FCAMR: variants seen among roughly 807,000 people sequenced by gnomAD.
FCAMR encodes the protein high affinity immunoglobulin alpha and immunoglobulin mu Fc receptor.
In FCAMR, 51 loss-of-function variants were observed where a neutral mutation model predicts 52.2. That is an observed-to-expected ratio of 0.98 (90% CI 0.78 to 1.23). FCAMR has a LOEUF of 1.23. FCAMR is among the 50% of genes most tolerant of loss of function. The probability of loss-of-function intolerance (pLI) is 0.00; values close to 1 mark genes in which losing one functional copy is unlikely to be tolerated. For synonymous variants in FCAMR, 282 were observed against 262.0 expected (o/e 1.08, Z -0.74); for missense variants, 719 against 712.6 (o/e 1.01, Z -0.10).
At chr1:206,966,052 C>T (rs1680697322) in intron 3 of FCAMR, 194 bp from the exon 4 acceptor site, 2 of 712,324 alleles carry the variant, frequency 2.8e-6, no homozygotes, top group Admixed American at 5.8e-5. Flanking sequence ...GGGTCTCAAG[C>T]AGCAGCTGCC....
intron 1 of FCAMR, among the ~76,000 whole-genome samples, chr1:206,968,167 A>G (rs949764241): frequency 2.6e-5 from 4 of 152,138 alleles, no homozygotes; most frequent in African/African-American, 9.7e-5. Flanking sequence ...GTGAAATCCC[A>G]TCTTTACTAA....
rs763664341 is a variant in FCAMR at position 206,960,955 on chromosome 1, C to A, written c.921G>T (p.Pro307=). 2.6e-6 allele frequency: 4 copies of A among 1,552,032 alleles called. No individual in the cohort carries two copies. The South Asian group carries it at 4.8e-5, about 18-fold the overall frequency. Residue 307 remains proline (P), a synonymous_variant, in exon 6 of 8, where the codon CCG becomes CCT. Transcript: ENST00000324852. The part of the protein sequence containing the change: ...WAEGSVKAPA[P]IPESPPSKSR... ...TCTTTGAAGGTGGACTCTCTGGAAT[C>A]GGAGCAGGTGCTTTGACAGAACCCT...
At chr1:206,969,065 C>T (rs1680829970) in intron 1 of FCAMR, among the ~76,000 whole-genome samples, 1 of 152,208 alleles carries the variant, frequency 6.6e-6, no homozygotes, top group African/African-American at 2.4e-5. Context: ...CACCTGGAGA[C>T]TCTCCCAGGG....
At chr1:206,969,607 T>C (rs1265074353) in intron 1 of FCAMR, among the ~76,000 whole-genome samples, 2 of 152,300 alleles carry the variant, frequency 1.3e-5, no homozygotes, top group South Asian at 2.1e-4. Context: ...ACTTCCCAGA[T>C]GCCTACTGGC....
Position 206,960,666 on chromosome 1 carries a change from CCT to C in FCAMR, c.1208_1209del (p.Gln403ArgfsTer88). On this transcript the variant is annotated frameshift_variant, in exon 6 of 8. Transcript: ENST00000324852. LOFTEE classifies it high-confidence loss of function. ...GCTGGAGTTGTTTCTCCAATGGAAC[CCT>C]GAGATTGTTGCTTAGAAACTGGCGT... ...QATPVSKQQS[Q>X]GSIGETTPAA... is the part of the protein sequence containing the mutation. The C allele has an allele frequency of 6.4e-7, 1 of 1,552,006 alleles. No homozygotes were observed. The highest frequency in any genetic ancestry group is 8.7e-7 in the Non-Finnish European group (1 of 1,147,060).
At chr1:206,967,254 C>G in intron 2 of FCAMR, 142 bp from the exon 3 acceptor site, 1 of 780,998 alleles carries the variant, frequency 1.3e-6, no homozygotes, top group Non-Finnish European at 2.1e-6. Flanking sequence ...GAGAGTAAGA[C>G]AAGCACTTCC....
chr1:206,969,782 C>T (rs1680864785), intron 1 of FCAMR, among the ~76,000 whole-genome samples: 1 of 152,188 alleles, frequency 6.6e-6, no homozygotes, highest in Non-Finnish European at 1.5e-5. Flanking sequence ...TTCTGTTCCT[C>T]TCCTCTACAA....
In FCAMR at chr1:206,960,525, C is replaced by T. The variant is rs1421700540; in HGVS notation, c.1351G>A (p.Asp451Asn). 1.9e-6 allele frequency: 3 copies of T among 1,551,654 alleles called. No homozygotes were observed. Among genetic ancestry groups the T allele is most frequent in the Non-Finnish European group, 2.6e-6 (3 of 1,146,976 alleles). The change falls in exon 6 of 8, where the codon GAC (aspartate) becomes AAC (asparagine). Residue 451 changes from aspartate (D) to asparagine (N), a missense_variant. By Grantham distance (23) the Asp-to-Asn change is conservative (BLOSUM62 1). Coordinates refer to ENST00000324852, the MANE Select transcript of FCAMR (RefSeq NM_001170631.2). ...AASGEGSAAG[D>N]LDAATGDRGP... ...CTGTCTCCAGTGGCAGCATCTAGGT[C>T]CCCTGCAGCGCTTCCTTCCCCAGAT...
At chr1:206,965,191 G>A (rs1451181728) in intron 4 of FCAMR, among the ~76,000 whole-genome samples, 1 of 152,194 alleles carries the variant, frequency 6.6e-6, no homozygotes, top group Non-Finnish European at 1.5e-5. Flanking sequence ...GATAAAGTGT[G>A]CATACCCCAG....
At position 206,962,338 on chromosome 1, in the gene FCAMR, G is replaced by A; in HGVS notation, c.527C>T (p.Pro176Leu). The A allele has an allele frequency of 2.5e-6, 4 of 1,614,218 alleles. No individual in the cohort carries two copies. The highest frequency in any genetic ancestry group is 3.4e-6 in the Non-Finnish European group (4 of 1,180,040). The change falls in exon 5 of 8, where the codon CCA becomes CTA. Residue 176 changes from proline (P) to leucine (L), a missense_variant. Coordinates refer to ENST00000324852, the MANE Select transcript of FCAMR (RefSeq NM_001170631.2). ...YRDRVALTDFPQRGLFVVRLS... is the reference protein window; with the variant it reads ...YRDRVALTDFLQRGLFVVRLS... ...CCTCACCACAAACAAGCCTCTCTGTGGAAAGTCTGTGAGGGCCACACGGTC... is the reference window on the plus strand; with the variant it reads ...CCTCACCACAAACAAGCCTCTCTGTAGAAAGTCTGTGAGGGCCACACGGTC...
rs1680802421 is a variant in FCAMR at position 206,968,468 on chromosome 1, C to T, written c.40-817G>A. 2.0e-5 allele frequency among the ~76,000 whole-genome samples: 3 copies of T among 152,222 alleles called. No homozygotes were observed. In the South Asian group the frequency reaches 6.2e-4, roughly 32 times the overall value. Reference sequence around the variant, plus strand: ...CTATCTATTGCTTCTGTTTCTGAGACCTATAGATTTTTGAAAAAGCAAACT... The same window carrying T: ...CTATCTATTGCTTCTGTTTCTGAGATCTATAGATTTTTGAAAAAGCAAACT... On this transcript the variant is annotated intron_variant, in intron 1 of 7. Coordinates refer to ENST00000324852, the MANE Select transcript of FCAMR (RefSeq NM_001170631.2).
In FCAMR at chr1:206,961,046, G is replaced by A; in HGVS notation, c.830C>T (p.Ser277Leu). ...STPGTSKTTA[S>L]AEGRRTPGAT... is the part of the protein sequence containing the mutation. ...TCCTGGGGTTCGTCTTCCCTCAGCT[G>A]AAGCTGTAGTCTTGCTGGTTCCTGG... The change falls in exon 6 of 8, where the codon TCA (serine) becomes TTA (leucine). Residue 277 changes from serine (S) to leucine (L), a missense_variant. By Grantham distance (145) the Ser-to-Leu change is moderately radical. Coordinates refer to ENST00000324852, the MANE Select transcript of FCAMR (RefSeq NM_001170631.2). The A allele has an allele frequency of 1.9e-6, 3 of 1,551,884 alleles. No homozygotes were observed. The highest frequency in any genetic ancestry group is 2.6e-6 in the Non-Finnish European group (3 of 1,147,048).
chr1:206,960,071 A>G, intron 6 of FCAMR: 1 of 500,036 alleles, frequency 2.0e-6, no homozygotes. Context: ...GGAGCAAGCG[A>G]CTCCAGCCTC....
At position 206,970,296 on chromosome 1, in the gene FCAMR, C is replaced by T; in HGVS notation, c.-171G>A. On this transcript the variant is annotated 5_prime_UTR_variant, in exon 1 of 8. Coordinates refer to ENST00000324852, the MANE Select transcript of FCAMR (RefSeq NM_001170631.2). ...GGTCGGGGTGCAAGGCGTAGCTCTG[C>T]CACTCACCTCAAGTCACTTCTCTTT... 2 of 621,050 alleles carry T rather than the reference C, an allele frequency of 3.2e-6. No homozygotes were observed. The highest frequency in any genetic ancestry group is 2.0e-5 in the South Asian group (1 of 50,062). The allele number at this position is 621,050 out of a possible 1,614,324, so 38.5% of individuals were successfully genotyped here.
Position 206,958,405 on chromosome 1 carries a change from A to G in FCAMR, c.*111T>C, listed in dbSNP as rs762221678. 7.1e-5 allele frequency: 89 copies of G among 1,253,302 alleles called. 1 individual carries two copies. Among genetic ancestry groups the G allele is most frequent in the East Asian group, 1.3e-4 (5 of 39,082 alleles). 77.6% of individuals were successfully genotyped at this position (1,253,302 alleles called of 1,614,324 possible). ...CCATGGGTGGAGCACCGGCTGCATC[A>G]GCTTCTCTTCCCACAGGTGGAGGAA... On this transcript the variant is annotated 3_prime_UTR_variant, in exon 8 of 8. Transcript: ENST00000324852.
Position 206,958,442 on chromosome 1 carries a change from A to G in FCAMR, c.*74T>C. On this transcript the variant is annotated 3_prime_UTR_variant, in exon 8 of 8. Coordinates refer to ENST00000324852, the MANE Select transcript of FCAMR (RefSeq NM_001170631.2). Reference sequence around the variant, plus strand: ...CACAGGTGGAGGAAGGATGATGGAAAGAGGCTGGGGTCCTGAAGGCCTTTG... The same window carrying G: ...CACAGGTGGAGGAAGGATGATGGAAGGAGGCTGGGGTCCTGAAGGCCTTTG... 6.9e-7 allele frequency: 1 copy of G among 1,439,924 alleles called. No homozygotes were observed. The highest frequency in any genetic ancestry group is 9.3e-7 in the Non-Finnish European group (1 of 1,077,876). The allele number at this position is 1,439,924 out of a possible 1,614,324, so 89.2% of individuals were successfully genotyped here.
In FCAMR at chr1:206,960,600, A is replaced by G; in HGVS notation, c.1276T>C (p.Trp426Arg). The change falls in exon 6 of 8, where the codon TGG becomes CGG. Residue 426 changes from tryptophan to arginine, a missense_variant. By Grantham distance (101) the Trp-to-Arg change is moderately radical (BLOSUM62 -3). Coordinates refer to ENST00000324852, the MANE Select transcript of FCAMR (RefSeq NM_001170631.2). The stretch of plus-strand genomic sequence containing the variant: ...TCTGCAGCTGGAGTTCCCAAGATCC[A>G]CACATCTGCAGCTGGAGTTCCCAAG... ...WTLGTPAADV[W>R]ILGTPAADVW... 6.4e-7 allele frequency: 1 copy of G among 1,551,794 alleles called. No individual in the cohort carries two copies. Among genetic ancestry groups the G allele is most frequent in the Non-Finnish European group, 8.7e-7 (1 of 1,147,004 alleles).
Position 206,965,708 on chromosome 1 carries a change from G to T in FCAMR, c.313+7C>A, listed in dbSNP as rs763171774. ...ATGGTCGAACAAAGGGAGAGTAGGG[G>T]TTGTACCTGCAAAGGAGCTCTCCTC... is the stretch of plus-strand genomic sequence containing the variant. On this transcript the variant is annotated splice_region_variant and intron_variant, in intron 4 of 7. Coordinates refer to ENST00000324852, the MANE Select transcript of FCAMR (RefSeq NM_001170631.2). The T allele has an allele frequency of 3.8e-6, 6 of 1,563,208 alleles. No homozygotes were observed. In the Admixed American group the frequency reaches 1.2e-4, roughly 32 times the overall value.
At position 206,962,427 on chromosome 1, in the gene FCAMR, C is replaced by G. The variant is rs182257994; in HGVS notation, c.438G>C (p.Gly146=). Reference sequence around the variant, plus strand: ...TGGTCTGGCAGATCCATCTTGGGGGCCCCAGACGGCACCAGTACTTCCTCT... The same window carrying G: ...TGGTCTGGCAGATCCATCTTGGGGGGCCCAGACGGCACCAGTACTTCCTCT... ...RHQRKYWCRL[G]PPRWICQTIV... Residue 146 remains glycine (G), a synonymous_variant, in exon 5 of 8, where the codon GGG becomes GGC. Coordinates refer to ENST00000324852, the MANE Select transcript of FCAMR (RefSeq NM_001170631.2). 1 of 1,614,064 alleles carries G rather than the reference C, an allele frequency of 6.2e-7. No individual in the cohort carries two copies. The highest frequency in any genetic ancestry group is 1.3e-5 in the African/African-American group (1 of 75,006).
Sources: gnomAD v4.1 joint callset for allele counts (sites outside exome capture counted in the v4.1 genomes callset) on GRCh38, gnomAD v4.1.1 for gene constraint, MANE v1.5 for transcripts, NCBI Gene and HGNC (gene_info 2026-07-23, HGNC 2026-07-21) for gene names.